The following CNTN5 variants were observed in gnomAD, a reference collection of about 807,000 sequenced individuals.
CNTN5 encodes the protein contactin 5, also known as contactin-5.
A neutral mutation model predicts 129.1 loss-of-function variants in CNTN5; 77 were observed. That is an observed-to-expected ratio of 0.60 (90% confidence interval 0.50 to 0.72). The LOEUF (loss-of-function observed/expected upper bound fraction) is 0.72, where lower values mean the gene tolerates loss of function less well. CNTN5 is among the 30% of genes least tolerant of loss of function. The probability of loss-of-function intolerance (pLI) is 0.00; values close to 1 mark genes in which losing one functional copy is unlikely to be tolerated. For synonymous variants in CNTN5, 509 were observed against 465.6 expected (o/e 1.09, Z -1.20); for missense variants, 1,478 against 1,328.8 (o/e 1.11, Z -1.75).
In CNTN5 at chr11:100,074,210, T is replaced by C; in HGVS notation, c.1496T>C (p.Val499Ala). The C allele has an allele frequency of 6.2e-7, 1 of 1,612,278 alleles. No individual in the cohort carries two copies. The highest frequency in any genetic ancestry group is 1.1e-5 in the South Asian group (1 of 90,908). Residue 499 changes from valine (V) to alanine (A), a missense_variant, in exon 13 of 25, where the codon GTT (valine) becomes GCT (alanine). Transcript: ENST00000524871. ...ATAATTGTTACCAAAGACCAAGAAG[T>C]TGTCATAGAGTGCAAACCCCAAGGC... is the stretch of plus-strand genomic sequence containing the variant. Reference protein sequence around the residue: ...KTIIVTKDQEVVIECKPQGSP... With the variant: ...KTIIVTKDQEAVIECKPQGSP...
At chr11:99,069,835 T>C (rs979530565) in intron 1 of CNTN5, among the ~76,000 whole-genome samples, 2 of 152,190 alleles carry the variant, frequency 1.3e-5, no homozygotes, top group African/African-American at 4.8e-5. Flanking sequence ...CTTGGCTTTC[T>C]GCAAACCCCT....
chr11:99,456,056 TAA>T (rs1944486165), intron 2 of CNTN5, among the ~76,000 whole-genome samples: 1 of 152,192 alleles, frequency 6.6e-6, no homozygotes, highest in African/African-American at 2.4e-5. Flanking sequence ...CCATAGTTTC[TAA>T]AGACAATTTT....
intron 1 of CNTN5, among the ~76,000 whole-genome samples, chr11:99,153,864 G>A (rs1233258128): frequency 7.6e-6 from 1 of 132,034 alleles, no homozygotes; most frequent in Non-Finnish European, 1.6e-5. Context: ...CTCTTATTTG[G>A]TATAAGGTGA....
At chr11:99,183,625 T>C (rs1450785702) in intron 1 of CNTN5, among the ~76,000 whole-genome samples, 1 of 152,118 alleles carries the variant, frequency 6.6e-6, no homozygotes, top group Non-Finnish European at 1.5e-5. Flanking sequence ...ACCCCTAAAG[T>C]GCTGGTATTC....
At chr11:100,124,700 A>C (rs986283066) in intron 13 of CNTN5, among the ~76,000 whole-genome samples, 2 of 152,056 alleles carry the variant, frequency 1.3e-5, no homozygotes, top group African/African-American at 4.8e-5. Context: ...ACTCTTTGCA[A>C]GTCTTGAAAG....
chr11:99,839,286 C>T (rs1035985468), intron 4 of CNTN5, among the ~76,000 whole-genome samples: 1 of 152,084 alleles, frequency 6.6e-6, no homozygotes, highest in African/African-American at 2.4e-5. Context: ...GAAATGTGTA[C>T]TCAATTGTTC....
intron 3 of CNTN5, among the ~76,000 whole-genome samples, chr11:99,676,690 G>T (rs143410209): frequency 1.3e-5 from 2 of 151,994 alleles, no homozygotes; most frequent in South Asian, 4.1e-4. Flanking sequence ...AAACCTGCAC[G>T]TTGTGCCCAT....
intron 3 of CNTN5, among the ~76,000 whole-genome samples, chr11:99,645,066 C>T (rs1018532812): frequency 6.7e-6 from 1 of 149,548 alleles, no homozygotes; most frequent in Admixed American, 6.7e-5. Context: ...GGAGTTGAGA[C>T]CAGCCTGGCC....
chr11:99,709,814 T>C (rs1954898744), intron 3 of CNTN5, among the ~76,000 whole-genome samples: 1 of 151,856 alleles, frequency 6.6e-6, no homozygotes, highest in South Asian at 2.1e-4. Flanking sequence ...ATTCAAGCCA[T>C]TGAGGGTTTT....
At chr11:99,520,670 T>C (rs1947243393) in intron 2 of CNTN5, among the ~76,000 whole-genome samples, 1 of 152,076 alleles carries the variant, frequency 6.6e-6, no homozygotes, top group Non-Finnish European at 1.5e-5. Context: ...GTAAAGGACA[T>C]GAGGGAAGGT....
intron 1 of CNTN5, among the ~76,000 whole-genome samples, chr11:99,167,643 C>T (rs72994318): frequency 0.24 from 36,643 of 151,956 alleles, 4,539 homozygotes; most frequent in Middle Eastern, 0.27. Flanking sequence ...CATTATCTAA[C>T]TAACACTATC....
chr11:99,371,809 G>T (rs181162702), intron 2 of CNTN5, among the ~76,000 whole-genome samples: 1 of 152,270 alleles, frequency 6.6e-6, no homozygotes, highest in Non-Finnish European at 1.5e-5. Flanking sequence ...AAAGAAAAAT[G>T]TATAAGGCAT....
intron 1 of CNTN5, among the ~76,000 whole-genome samples, chr11:99,062,325 T>C (rs1004394917): frequency 9.2e-5 from 14 of 152,082 alleles, no homozygotes; most frequent in Admixed American, 8.5e-4. Context: ...AGAACCAACA[T>C]GTATACCAGT....
At chr11:99,996,983 C>A (rs1436461359) in intron 8 of CNTN5, among the ~76,000 whole-genome samples, 2 of 152,130 alleles carry the variant, frequency 1.3e-5, no homozygotes, top group Non-Finnish European at 2.9e-5. Flanking sequence ...CAGAGCCAAA[C>A]CATATCATTC....
chr11:99,602,258 C>G (rs1409589123), intron 3 of CNTN5, among the ~76,000 whole-genome samples: 1 of 151,862 alleles, frequency 6.6e-6, no homozygotes, highest in African/African-American at 2.4e-5. Context: ...CTTCTAGTTT[C>G]TATCTTGATT....
At chr11:99,797,867 A>C (rs1057436835) in intron 3 of CNTN5, among the ~76,000 whole-genome samples, 1 of 152,162 alleles carries the variant, frequency 6.6e-6, no homozygotes, top group African/African-American at 2.4e-5. Context: ...TTATTTTGTC[A>C]TTAATTTGTG....
intron 1 of CNTN5, among the ~76,000 whole-genome samples, chr11:99,299,073 C>A (rs1242927374): frequency 6.6e-6 from 1 of 152,062 alleles, no homozygotes; most frequent in Admixed American, 6.5e-5. Flanking sequence ...TTTCGTGTTT[C>A]TTTTTTCTAT....
intron 2 of CNTN5, among the ~76,000 whole-genome samples, chr11:99,545,324 G>C (rs574833068): frequency 6.6e-6 from 1 of 152,100 alleles, no homozygotes; most frequent in African/African-American, 2.4e-5. Flanking sequence ...CTGTGGTTTC[G>C]ACTGCCAGAT....
At chr11:99,617,525 A>G (rs1950799423) in intron 3 of CNTN5, among the ~76,000 whole-genome samples, 1 of 152,214 alleles carries the variant, frequency 6.6e-6, no homozygotes, top group African/African-American at 2.4e-5. Context: ...AAACTTTAGT[A>G]GAGACTAATG....
Sources: gnomAD v4.1 joint callset for allele counts (sites outside exome capture counted in the v4.1 genomes callset) on GRCh38, gnomAD v4.1.1 for gene constraint, MANE v1.5 for transcripts, NCBI Gene and HGNC (gene_info 2026-07-23, HGNC 2026-07-21) for gene names.